The following PCDHGB4 variants were observed in gnomAD, a reference collection of about 807,000 sequenced individuals.
PCDHGB4 encodes the protein protocadherin gamma-B4.
In PCDHGB4, 38 loss-of-function variants were observed where a neutral mutation model predicts 60.5. The observed-to-expected ratio is 0.63, with a 90% CI of 0.48 to 0.82. The LOEUF is 0.82. Among genes scored for constraint, PCDHGB4 ranks in the 40% least tolerant of loss-of-function variants. The pLI is 0.00. For synonymous variants in PCDHGB4, 456 were observed against 509.7 expected, an observed-to-expected ratio of 0.89 and a Z score of 1.42; for missense variants, 1,109 against 1,209.6, an observed-to-expected ratio of 0.92 and a Z score of 1.23.
chr5:141,451,528 G>C (rs1451101169), intron 1 of PCDHGB4, among the ~76,000 whole-genome samples: 8 of 152,210 alleles, frequency 5.3e-5, no homozygotes. Flanking sequence ...AAGTAAAGGA[G>C]AGTGCCAGAG....
At chr5:141,497,713 T>C (rs1357797720) in intron 2 of PCDHGB4, among the ~76,000 whole-genome samples, 3 of 152,084 alleles carry the variant, frequency 2.0e-5, no homozygotes, top group Non-Finnish European at 1.5e-5. Context: ...CTCATTTTTG[T>C]ATTTTTAGTA....
intron 1 of PCDHGB4, chr5:141,392,749 A>G (rs2092584642): frequency 6.9e-7 from 1 of 1,449,652 alleles, no homozygotes; most frequent in Admixed American, 2.8e-5. Flanking sequence ...AGCTGCGGCA[A>G]GAAACTAAAT....
At chr5:141,403,291 A>C in intron 1 of PCDHGB4, 1 of 1,613,918 alleles carries the variant, frequency 6.2e-7, no homozygotes, top group Non-Finnish European at 8.5e-7. Flanking sequence ...TTGAAGACAG[A>C]GTGAAACTGT....
intron 1 of PCDHGB4, chr5:141,409,051 C>T (rs767003760): frequency 3.7e-6 from 6 of 1,614,032 alleles, no homozygotes; most frequent in Non-Finnish European, 5.1e-6. Context: ...ACTTCCGAAG[C>T]ACTGCCCAGA....
rs144203659 is a variant in PCDHGB4, at chr5:141,431,011, G to A, written c.2397+40730G>A. The A allele has an allele frequency of 1.5e-5, 24 of 1,613,168 alleles. No individual in the cohort carries two copies. The highest frequency in any genetic ancestry group is 1.7e-5 in the Non-Finnish European group (20 of 1,179,310). ...CCCTGAATCCGCGCAGCGGCAGCTTGGTCACGGCGGGCAGGATAGACCGGG... is the reference window on the plus strand; with the variant it reads ...CCCTGAATCCGCGCAGCGGCAGCTTAGTCACGGCGGGCAGGATAGACCGGG... On this transcript the variant is annotated intron_variant, in intron 1 of 3. Transcript: ENST00000519479. This position sits in a 1 kb window ranked among gnomAD's most constrained non-coding sequence, Gnocchi z 4.8.
At chr5:141,422,965 C>T (rs2096693602) in intron 1 of PCDHGB4, 2 of 1,614,116 alleles carry the variant, frequency 1.2e-6, no homozygotes, top group African/African-American at 2.7e-5. Context: ...GGAGCTGGCG[C>T]CCCGCTCTGC....
chr5:141,413,218 A>C, intron 1 of PCDHGB4: 1 of 1,613,610 alleles, frequency 6.2e-7, no homozygotes, highest in Non-Finnish European at 8.5e-7. Context: ...AAAGGATTGC[A>C]GCGGGCTGGT....
At chr5:141,427,659 G>A (rs546743297) in intron 1 of PCDHGB4, 3 of 742,336 alleles carry the variant, frequency 4.0e-6, no homozygotes, top group East Asian at 5.3e-5. Context: ...CGTGGTCCAC[G>A]TGGCCGAAAA....
chr5:141,424,383 T>C (rs2096817494), intron 1 of PCDHGB4: 2 of 152,238 alleles, frequency 1.3e-5, no homozygotes, highest in Non-Finnish European at 2.9e-5. Context: ...AAGCTCTAGA[T>C]GTCTTTTCCA....
chr5:141,421,358 C>T (rs2096566137), intron 1 of PCDHGB4: 1 of 1,613,870 alleles, frequency 6.2e-7, no homozygotes, highest in Non-Finnish European at 8.5e-7. Context: ...GAAAAGGGCT[C>T]CTTCGTGGGC....
At position 141,395,259 on chromosome 5, in the gene PCDHGB4, C is replaced by T. The variant is rs1042867033; in HGVS notation, c.2397+4978C>T. ...TCAGGTGAGTTTAGTTCTTTGCTTG[C>T]TTTTAATTTCCAGATGAATTTTATT... On this transcript the variant is annotated intron_variant, in intron 1 of 3. Transcript: ENST00000519479. The T allele has an allele frequency of 3.2e-6, 5 of 1,551,850 alleles. No homozygotes were observed. In the Admixed American group the frequency reaches 1.0e-4, roughly 32 times the overall value.
At chr5:141,402,456 C>T (rs1052745008) in intron 1 of PCDHGB4, among the ~76,000 whole-genome samples, 1 of 152,050 alleles carries the variant, frequency 6.6e-6, no homozygotes, top group African/African-American at 2.4e-5. Flanking sequence ...TAATAGTTTA[C>T]ATATCTAGAA....
intron 2 of PCDHGB4, among the ~76,000 whole-genome samples, chr5:141,499,384 A>G (rs2099791576): frequency 6.6e-6 from 1 of 152,200 alleles, no homozygotes. Context: ...TTTTCCACTT[A>G]TAAAATAGTA....
rs781550738 is a variant in PCDHGB4 at position 141,487,383 on chromosome 5, C to A, written c.2398-7424C>A. On this transcript the variant is annotated intron_variant, in intron 1 of 3. Transcript: ENST00000519479. This position sits in a 1 kb window ranked among gnomAD's most constrained non-coding sequence, Gnocchi z 5.0. Reference sequence around the variant, plus strand: ...GGCACCTGTGCCTGTCTCACCAGATCTCGAAGGAGGGAGGGGCTTCCCCCT... The same window carrying A: ...GGCACCTGTGCCTGTCTCACCAGATATCGAAGGAGGGAGGGGCTTCCCCCT... The A allele has an allele frequency of 3.7e-6, 6 of 1,614,196 alleles. No individual in the cohort carries two copies. The South Asian group carries it at 6.6e-5, about 18-fold the overall frequency.
chr5:141,432,725 G>A lies in PCDHGB4; in HGVS notation c.2397+42444G>A, dbSNP rs755759587. The A allele has an allele frequency of 7.4e-6, 12 of 1,613,896 alleles. No individual in the cohort carries two copies. Among genetic ancestry groups the A allele is most frequent in the African/African-American group, 1.3e-5 (1 of 74,932 alleles). On this transcript the variant is annotated intron_variant, in intron 1 of 3. Transcript: ENST00000519479. This position sits in a 1 kb window ranked among gnomAD's most constrained non-coding sequence, Gnocchi z 6.0. ...GGACCACGGCCAGCCCCCTCTCTCC[G>A]CCACTGTCACGCTCACCGTGGCCGT...
intron 1 of PCDHGB4, among the ~76,000 whole-genome samples, chr5:141,473,126 A>C (rs2154571574): frequency 6.6e-6 from 1 of 152,356 alleles, no homozygotes; most frequent in South Asian, 2.1e-4. Flanking sequence ...GCTCTTTGGC[A>C]AACTATATTA....
Position 141,410,173 on chromosome 5 carries a change from C to G in PCDHGB4, c.2397+19892C>G, listed in dbSNP as rs544938164. ...GTGGACAGCCGCCACTCTCTGCCACCGCCACGCTTCATCTGGTCTTCGCAG... is the reference window on the plus strand; with the variant it reads ...GTGGACAGCCGCCACTCTCTGCCACGGCCACGCTTCATCTGGTCTTCGCAG... On this transcript the variant is annotated intron_variant, in intron 1 of 3. Coordinates refer to ENST00000519479, the MANE Select transcript of PCDHGB4 (RefSeq NM_003736.4). The G allele has an allele frequency of 6.2e-6, 10 of 1,613,842 alleles. No individual in the cohort carries two copies. The African/African-American group carries it at 9.3e-5, about 15-fold the overall frequency.
At position 141,512,133 on chromosome 5, in the gene PCDHGB4, G is replaced by C. The variant is rs1394116556; in HGVS notation, c.*960G>C. 1 of 152,708 alleles carries C rather than the reference G, an allele frequency of 6.5e-6. No homozygotes were observed. Among genetic ancestry groups the C allele is most frequent in the Non-Finnish European group, 1.5e-5 (1 of 68,102 alleles). The allele number at this position is 152,708 out of a possible 1,614,324, so 9.5% of individuals were successfully genotyped here. On this transcript the variant is annotated 3_prime_UTR_variant, in exon 4 of 4. Transcript: ENST00000519479. ...CCACTACATAATAGGGCTCAGCCCA[G>C]GCAGCCAGCTTTGGGCTGAGCTAAC...
At position 141,389,333 on chromosome 5, in the gene PCDHGB4, C is replaced by T. The variant is rs753436946; in HGVS notation, c.1449C>T (p.Gly483=). 1 of 1,614,016 alleles carries T rather than the reference C, an allele frequency of 6.2e-7. No individual in the cohort carries two copies. The highest frequency in any genetic ancestry group is 1.1e-5 in the South Asian group (1 of 91,088). ...CTGATCCGGACTTGGGGCCCAACGG[C>T]CAAGTCTCTTACTGCATCATGGCCA... The part of the protein sequence containing the change: ...RASDPDLGPN[G]QVSYCIMASD... The change falls in exon 1 of 4, where the codon GGC becomes GGT. Residue 483 remains glycine, a synonymous_variant. Coordinates refer to ENST00000519479, the MANE Select transcript of PCDHGB4 (RefSeq NM_003736.4).
Sources: allele counts gnomAD v4.1 joint callset (sites outside exome capture counted in the v4.1 genomes callset), GRCh38; gene constraint gnomAD v4.1.1; non-coding constraint Gnocchi (gnomAD v3.1); transcripts MANE v1.5; gene names NCBI Gene and HGNC (gene_info 2026-07-23, HGNC 2026-07-21).